EPB41L4B: variants seen among roughly 807,000 people sequenced by gnomAD.
EPB41L4B encodes the protein band 4.1-like protein 4B.
A neutral mutation model predicts 112.5 loss-of-function variants in EPB41L4B; 30 were observed. The observed-to-expected ratio is 0.27, with a 90% confidence interval of 0.20 to 0.36. The LOEUF is 0.36. Ranked by LOEUF, EPB41L4B falls within the 10% of genes least tolerant of loss-of-function variation. EPB41L4B has a pLI of 1.00. For synonymous variants in EPB41L4B, 408 were observed against 439.7 expected (o/e 0.93, Z 0.90); for missense variants, 1,024 against 1,133.3 (o/e 0.90, Z 1.38).
chr9:109,240,507 G>A (rs1414911236), intron 15 of EPB41L4B: 36 of 985,152 alleles, frequency 3.7e-5, no homozygotes, highest in Non-Finnish European at 4.2e-5. Flanking sequence ...AGAATCAACT[G>A]ATTTCACAGA....
chr9:109,265,963 ACTG>A (rs1835387011), intron 4 of EPB41L4B, among the ~76,000 whole-genome samples: 1 of 116,730 alleles, frequency 8.6e-6, no homozygotes, highest in Non-Finnish European at 1.9e-5. Flanking sequence ...CACTAGAATG[ACTG>A]TTCGCCAGAA....
intron 25 of EPB41L4B, 136 bp downstream of exon 25, chr9:109,176,415 C>T: frequency 9.6e-7 from 1 of 1,043,116 alleles, no homozygotes; most frequent in East Asian, 2.8e-5. Context: ...CCTTTATAGA[C>T]ATTTCAATAA....
At chr9:109,285,972 G>C (rs1290714689) in intron 1 of EPB41L4B, among the ~76,000 whole-genome samples, 1 of 152,096 alleles carries the variant, frequency 6.6e-6, no homozygotes, top group Non-Finnish European at 1.5e-5. Flanking sequence ...TACTGCAGCT[G>C]CCTGTGCTCC....
chr9:109,269,951 A>G (rs1265062830), intron 2 of EPB41L4B, among the ~76,000 whole-genome samples: 1 of 152,330 alleles, frequency 6.6e-6, no homozygotes, highest in East Asian at 1.9e-4. Context: ...TGATAATACA[A>G]TAAGCTGGGG....
chr9:109,211,510 G>A (rs1228286429), intron 17 of EPB41L4B, among the ~76,000 whole-genome samples: 1 of 149,750 alleles, frequency 6.7e-6, no homozygotes, highest in Non-Finnish European at 1.5e-5. Flanking sequence ...CAGAGGAATT[G>A]CTTGAACCCG....
intron 5 of EPB41L4B, 118 bp downstream of exon 5, chr9:109,264,861 TG>T: frequency 1.3e-6 from 1 of 769,960 alleles, no homozygotes; most frequent in Non-Finnish European, 2.0e-6. Context: ...TTACAATGCC[TG>T]GTGCACTTTT....
At chr9:109,304,581 G>T (rs1176647978) in intron 1 of EPB41L4B, among the ~76,000 whole-genome samples, 3 of 152,156 alleles carry the variant, frequency 2.0e-5, no homozygotes, top group Non-Finnish European at 4.4e-5. Flanking sequence ...CAGTGCAGGG[G>T]CCAAGAGTAC....
rs74570090 is a variant in EPB41L4B, at chr9:109,297,332, G to C, written c.307-17411C>G. On this transcript the variant is annotated intron_variant, in intron 1 of 25. Coordinates refer to ENST00000374566, the MANE Select transcript of EPB41L4B (RefSeq NM_019114.5). ...TGCTGTTGTTTAAGGCACCCAGTCTGGGGTACTTTGTTACAGCAGTCCTAG... is the reference window on the plus strand; with the variant it reads ...TGCTGTTGTTTAAGGCACCCAGTCTCGGGTACTTTGTTACAGCAGTCCTAG... Among the ~76,000 whole-genome samples, 1,103 of 152,266 alleles carry C rather than the reference G, an allele frequency of 7.2e-3. 26 individuals carry two copies. The highest frequency in any genetic ancestry group is 0.029 in the East Asian group (152 of 5,172).
intron 1 of EPB41L4B, among the ~76,000 whole-genome samples, chr9:109,290,730 C>T (rs866438916): frequency 1.0e-4 from 15 of 143,548 alleles, no homozygotes; most frequent in Middle Eastern, 3.6e-3. Flanking sequence ...TATATATATA[C>T]ACACACACAC....
At chr9:109,306,975 C>A (rs990985762) in intron 1 of EPB41L4B, among the ~76,000 whole-genome samples, 3 of 151,796 alleles carry the variant, frequency 2.0e-5, no homozygotes, top group Non-Finnish European at 4.4e-5. Context: ...ATTTTGTATT[C>A]CTCCCACAGG....
Position 109,185,555 on chromosome 9 carries a change from TGGA to T in EPB41L4B, c.2349_2351del (p.Pro784del), listed in dbSNP as rs755546874. 4.0e-5 allele frequency: 64 copies of T among 1,610,618 alleles called. No homozygotes were observed. The highest frequency in any genetic ancestry group is 4.9e-5 in the Non-Finnish European group (58 of 1,178,574). Reference sequence around the variant, plus strand: ...TCTCTTCCTTCATGGGGAGAGAGAGTGGAGGAGAACAGCGAGAGTGGGCACAGT... The same window carrying T: ...TCTCTTCCTTCATGGGGAGAGAGAGTGGAGAACAGCGAGAGTGGGCACAGT... On this transcript the variant is annotated inframe_deletion, in exon 23 of 26. Coordinates refer to ENST00000374566, the MANE Select transcript of EPB41L4B (RefSeq NM_019114.5).
At position 109,292,309 on chromosome 9, in the gene EPB41L4B, C is replaced by T. The variant is rs550926148; in HGVS notation, c.307-12388G>A. ...CCCATCACTTTTTCTGGTCACAATACTAGCAGACACACTGGCTAATATACT... is the reference window on the plus strand; with the variant it reads ...CCCATCACTTTTTCTGGTCACAATATTAGCAGACACACTGGCTAATATACT... On this transcript the variant is annotated intron_variant, in intron 1 of 25. Transcript: ENST00000374566. Among the ~76,000 whole-genome samples the T allele has an allele frequency of 2.2e-3, 335 of 152,334 alleles. 1 individual carries two copies. The highest frequency in any genetic ancestry group is 3.4e-3 in the Middle Eastern group (1 of 294).
intron 5 of EPB41L4B, 116 bp downstream of exon 5, chr9:109,264,864 T>C: frequency 1.3e-6 from 1 of 792,584 alleles, no homozygotes. Flanking sequence ...CAATGCCTGG[T>C]GCACTTTTTT....
chr9:109,261,188 C>T lies in EPB41L4B; in HGVS notation c.631+1862G>A, dbSNP rs547866482. Among the ~76,000 whole-genome samples, 7 of 152,242 alleles carry T rather than the reference C, an allele frequency of 4.6e-5. No homozygotes were observed. The South Asian group carries it at 1.2e-3, about 27-fold the overall frequency. Reference sequence around the variant, plus strand: ...GTCGTTATAGCACTTGCCATAAAGACTGTCATATCAGAAAAATACATCGGA... The same window carrying T: ...GTCGTTATAGCACTTGCCATAAAGATTGTCATATCAGAAAAATACATCGGA... On this transcript the variant is annotated intron_variant, in intron 6 of 25. Transcript: ENST00000374566.
chr9:109,300,205 G>A (rs1229551676), intron 1 of EPB41L4B: 1 of 152,224 alleles, frequency 6.6e-6, no homozygotes, highest in African/African-American at 2.4e-5. Context: ...CAAGTCCAGC[G>A]ATTACAGCCA....
intron 24 of EPB41L4B, among the ~76,000 whole-genome samples, chr9:109,180,529 G>A (rs565462207): frequency 6.6e-6 from 1 of 152,298 alleles, no homozygotes; most frequent in South Asian, 2.1e-4. Flanking sequence ...GATGCTGGAA[G>A]CAGCTCATGA....
In EPB41L4B at chr9:109,283,270, T is replaced by C. The variant is rs539372776; in HGVS notation, c.307-3349A>G. ...TAGTGTTACCAGGATGTCTGCCTTC[T>C]TGTAACCCAGTAAACTGGGTACCTT... On this transcript the variant is annotated intron_variant, in intron 1 of 25. Coordinates refer to ENST00000374566, the MANE Select transcript of EPB41L4B (RefSeq NM_019114.5). Among the ~76,000 whole-genome samples, 5 of 152,332 alleles carry C rather than the reference T, an allele frequency of 3.3e-5. No homozygotes were observed. The South Asian group carries it at 1.0e-3, about 32-fold the overall frequency.
chr9:109,256,253 G>C, intron 8 of EPB41L4B, 29 bp from the exon 9 acceptor site: 1 of 1,607,336 alleles, frequency 6.2e-7, no homozygotes, highest in East Asian at 2.2e-5. Flanking sequence ...ACAATCGGTA[G>C]AGGGTTCTAA....
intron 1 of EPB41L4B, 58 bp from the exon 2 acceptor site, chr9:109,279,979 A>C: frequency 7.4e-7 from 1 of 1,352,474 alleles, no homozygotes. Context: ...ATAAGAAAAA[A>C]AAGGTTAAAA....
Sources: gnomAD v4.1 joint callset for allele counts (sites outside exome capture counted in the v4.1 genomes callset) on GRCh38, gnomAD v4.1.1 for gene constraint, MANE v1.5 for transcripts, NCBI Gene and HGNC (gene_info 2026-07-23, HGNC 2026-07-21) for gene names.